The following SUMF1 variants were observed in gnomAD, a reference collection of about 807,000 sequenced individuals.
SUMF1 encodes the protein sulfatase modifying factor 1.
In SUMF1, 48 loss-of-function variants were observed where a neutral mutation model predicts 47.6. The ratio of observed to expected loss-of-function variants is 1.01; its 90% confidence interval spans 0.80 to 1.28. SUMF1 has a LOEUF of 1.28. Among genes scored for constraint, SUMF1 ranks in the 50% most tolerant of loss-of-function variants. The pLI, the probability that SUMF1 is intolerant of heterozygous loss-of-function variation, is 0.00. For missense variants in SUMF1, 571 were observed against 485.4 expected, an observed-to-expected ratio of 1.18 and a Z score of -1.66; for synonymous variants, 230 against 192.1, an observed-to-expected ratio of 1.20 and a Z score of -1.63.
chr3:4,184,155 AAAG>A (rs1695152309), intron 8 of SUMF1, among the ~76,000 whole-genome samples: 3 of 151,530 alleles, frequency 2.0e-5, no homozygotes, highest in Non-Finnish European at 2.9e-5. Flanking sequence ...TAAAAAAAAA[AAAG>A]AAAAAAGGCA....
chr3:4,312,271 G>A (rs61187430), intron 8 of SUMF1, among the ~76,000 whole-genome samples: 6,590 of 152,076 alleles, frequency 0.043, 467 homozygotes, highest in African/African-American at 0.15. Context: ...AAAGGTAAAA[G>A]AGATCAAAAG....
chr3:4,127,085 T>C (rs1693671908), intron 8 of SUMF1, among the ~76,000 whole-genome samples: 1 of 152,176 alleles, frequency 6.6e-6, no homozygotes. Context: ...TGTGTCTATT[T>C]AAGCAAATAA....
At chr3:4,198,387 C>A (rs918436104) in intron 8 of SUMF1, among the ~76,000 whole-genome samples, 1 of 152,112 alleles carries the variant, frequency 6.6e-6, no homozygotes, top group African/African-American at 2.4e-5. Flanking sequence ...CTAAAAGCTG[C>A]CTTTCAAGAT....
At chr3:4,135,660 A>C (rs1028690659) in intron 8 of SUMF1, among the ~76,000 whole-genome samples, 6 of 152,192 alleles carry the variant, frequency 3.9e-5, no homozygotes, top group Admixed American at 3.9e-4. Context: ...AAGGGCATTC[A>C]ATTAGGAAAT....
At chr3:4,404,702 T>A (rs1391916014) in intron 7 of SUMF1, among the ~76,000 whole-genome samples, 2 of 152,208 alleles carry the variant, frequency 1.3e-5, no homozygotes, top group African/African-American at 4.8e-5. Flanking sequence ...AGGTGGAGGT[T>A]GCAGTGAGCT....
rs1697444382 is a variant in SUMF1, at chr3:4,277,545, A to G, written c.1014+98785T>C. ...GGAAAAGAAGCAGGAGACAGGAAAG[A>G]CAGGGATGCTATGCAAATTAGTGAG... On this transcript the variant is annotated intron_variant and NMD_transcript_variant, in intron 8 of 12. Transcript: ENST00000448413. Among the ~76,000 whole-genome samples the G allele has an allele frequency of 2.6e-5, 4 of 152,134 alleles. No homozygotes were observed. In the South Asian group the frequency reaches 8.3e-4, roughly 31 times the overall value.
intron 8 of SUMF1, among the ~76,000 whole-genome samples, chr3:4,180,789 G>C (rs1695080060): frequency 6.6e-6 from 1 of 150,426 alleles, no homozygotes; most frequent in African/African-American, 2.5e-5. Flanking sequence ...GGAGGTTGAG[G>C]TTACAGTGAG....
chr3:4,280,395 G>C (rs1464920632), intron 8 of SUMF1, among the ~76,000 whole-genome samples: 2 of 152,082 alleles, frequency 1.3e-5, no homozygotes, highest in Admixed American at 6.6e-5. Context: ...AAGATGAAAA[G>C]TGCAATGGCT....
At chr3:4,313,708 A>G in intron 8 of SUMF1, 1 of 1,614,046 alleles carries the variant, frequency 6.2e-7, no homozygotes, top group Non-Finnish European at 8.5e-7. Context: ...GGAACCCAGC[A>G]TGTGTGGCTC....
intron 8 of SUMF1, among the ~76,000 whole-genome samples, chr3:4,286,332 G>A (rs954731785): frequency 1.9e-4 from 29 of 151,922 alleles, no homozygotes; most frequent in African/African-American, 7.0e-4. Context: ...GCATCTATAG[G>A]AAAACAAAGC....
chr3:4,095,772 G>T (rs942677258), intron 8 of SUMF1, among the ~76,000 whole-genome samples: 9 of 152,080 alleles, frequency 5.9e-5, no homozygotes, highest in African/African-American at 2.4e-5. Context: ...TGGTCCCAGT[G>T]ACCTCTAAGC....
rs543020194 is a variant in SUMF1, at chr3:4,111,465, A to ATG, written c.1015-42722_1015-42721dup. 7.7e-4 allele frequency among the ~76,000 whole-genome samples: 117 copies of ATG among 152,250 alleles called. 2 individuals carry two copies. In the East Asian group the frequency reaches 0.015, roughly 20 times the overall value. On this transcript the variant is annotated intron_variant and NMD_transcript_variant, in intron 8 of 12. Transcript: ENST00000448413. ...CCGGGCGCAGTGACTCACGCCTGTA[A>ATG]TGCCAGCACTTTGGGAGGCCAAGGC...
intron 9 of SUMF1, among the ~76,000 whole-genome samples, chr3:4,043,681 A>G (rs1365391236): frequency 2.0e-5 from 3 of 152,098 alleles, no homozygotes; most frequent in Admixed American, 2.0e-4. Flanking sequence ...TTATTTCTCC[A>G]TAGGAAAGAA....
chr3:4,345,142 C>G (rs1699349479), intron 8 of SUMF1, among the ~76,000 whole-genome samples: 1 of 152,162 alleles, frequency 6.6e-6, no homozygotes, highest in Non-Finnish European at 1.5e-5. Context: ...CGTCCCCAAC[C>G]TAGCAAGACA....
At chr3:4,252,529 G>T (rs1696829069) in intron 8 of SUMF1, among the ~76,000 whole-genome samples, 1 of 152,054 alleles carries the variant, frequency 6.6e-6, no homozygotes, top group Non-Finnish European at 1.5e-5. Flanking sequence ...GCAAAAGTAG[G>T]GAATGAAGGC....
At chr3:4,178,931 C>T (rs1695032189) in intron 8 of SUMF1, among the ~76,000 whole-genome samples, 1 of 152,136 alleles carries the variant, frequency 6.6e-6, no homozygotes, top group African/African-American at 2.4e-5. Flanking sequence ...TGAATGAACT[C>T]CCATTCACAA....
At chr3:4,191,286 C>T (rs927669524) in intron 8 of SUMF1, among the ~76,000 whole-genome samples, 18 of 152,096 alleles carry the variant, frequency 1.2e-4, no homozygotes, top group Admixed American at 3.3e-4. Context: ...AAATATTCCT[C>T]TTCCCACCAT....
intron 8 of SUMF1, among the ~76,000 whole-genome samples, chr3:4,123,562 T>C (rs1693592014): frequency 6.6e-6 from 1 of 152,206 alleles, no homozygotes; most frequent in South Asian, 2.1e-4. Context: ...ACATGTATTG[T>C]ACTTGTTCTA....
chr3:4,147,977 T>C (rs75320244), intron 8 of SUMF1, among the ~76,000 whole-genome samples: 1 of 152,258 alleles, frequency 6.6e-6, no homozygotes, highest in Non-Finnish European at 1.5e-5. Flanking sequence ...AAATCACATT[T>C]AGCTCTATTC....
Sources: gnomAD v4.1 joint callset for allele counts (sites outside exome capture counted in the v4.1 genomes callset) on GRCh38, gnomAD v4.1.1 for gene constraint, MANE v1.5 for transcripts, NCBI Gene and HGNC (gene_info 2026-07-23, HGNC 2026-07-21) for gene names.